Variants in FSIP2 observed in about 807,000 individuals in gnomAD.
FSIP2 encodes fibrous sheath-interacting protein 2.
Under a neutral mutation model 510.5 loss-of-function variants are expected in FSIP2, and 367 were observed. The observed-to-expected ratio is 0.72, with a 90% CI of 0.66 to 0.78. The LOEUF is 0.78. Ranked by LOEUF, FSIP2 falls within the 30% of genes least tolerant of loss-of-function variation. The pLI is 0.00. For missense variants in FSIP2, 7,594 were observed against 7,901.7 expected (o/e 0.96, Z 1.48); for synonymous variants, 2,601 against 2,732.2 (o/e 0.95, Z 1.50).
At chr2:185,742,134 TAA>T (rs1691936371) in intron 2 of FSIP2, among the ~76,000 whole-genome samples, 3 of 152,216 alleles carry the variant, frequency 2.0e-5, no homozygotes, top group Non-Finnish European at 4.4e-5. Flanking sequence ...TGAGCTATTA[TAA>T]AACTTAGTTT....
Position 185,766,930 on chromosome 2 carries a change from A to C in FSIP2, c.1411+2365A>C, listed in dbSNP as rs1268361390. 4.2e-5 allele frequency among the ~76,000 whole-genome samples: 5 copies of C among 118,972 alleles called. 1 individual carries two copies. The East Asian group carries it at 1.2e-3, about 28-fold the overall frequency. The allele number at this position is 118,972 out of a possible 152,430, so 78.1% of individuals were successfully genotyped here. A position where few individuals can be genotyped will look rare whatever the true frequency, so the allele number is the denominator to read the frequency against. On this transcript the variant is annotated intron_variant, in intron 13 of 22. Transcript: ENST00000424728. The stretch of plus-strand genomic sequence containing the variant: ...CTTGGAACCAACCCAAATGTCCAAC[A>C]ATGATAGACTGGATTAAGAAAATGT...
At chr2:185,757,254 A>T (rs1161638978) in intron 9 of FSIP2, among the ~76,000 whole-genome samples, 1 of 151,428 alleles carries the variant, frequency 6.6e-6, no homozygotes, top group Non-Finnish European at 1.5e-5. Context: ...GTTGTCAAAG[A>T]ACCTCAGTGA....
intron 11 of FSIP2, among the ~76,000 whole-genome samples, chr2:185,762,778 C>A (rs967890794): frequency 2.6e-5 from 4 of 151,350 alleles, no homozygotes; most frequent in Non-Finnish European, 4.4e-5. Flanking sequence ...TCTTTTTAAC[C>A]CACTATACAT....
intron 17 of FSIP2, among the ~76,000 whole-genome samples, chr2:185,812,794 A>G (rs1559037953): frequency 2.6e-5 from 4 of 152,116 alleles, no homozygotes; most frequent in African/African-American, 9.7e-5. Flanking sequence ...TATTGCAGAT[A>G]TTCCTTTGAG....
intron 11 of FSIP2, 78 bp downstream of exon 11, chr2:185,762,095 TTTATC>T (rs1404215259): frequency 7.4e-6 from 5 of 679,090 alleles, no homozygotes; most frequent in Admixed American, 5.7e-5. Flanking sequence ...TTTAAGTTGT[TTTATC>T]TGATTATAAA....
In FSIP2 at chr2:185,804,893, A is replaced by G. The variant is rs1559034266; in HGVS notation, c.15587A>G (p.Asn5196Ser). 1 of 1,524,514 alleles carries G rather than the reference A, an allele frequency of 6.6e-7. No individual in the cohort carries two copies. The highest frequency in any genetic ancestry group is 8.8e-7 in the Non-Finnish European group (1 of 1,142,380). The allele number at this position is 1,524,514 out of a possible 1,614,324, so 94.4% of individuals were successfully genotyped here. Residue 5196 changes from asparagine to serine, a missense_variant, in exon 17 of 23, where the codon AAT (asparagine) becomes AGT (serine). By Grantham distance (46) the Asn-to-Ser change is conservative (BLOSUM62 1). Transcript: ENST00000424728. ...GAAAATTTGGTCGACTCCATATGTA[A>G]TAATATTTTGAAAACATCTGAATTC... ...PIENLVDSIC[N>S]NILKTSEFQA...
At chr2:185,776,535 TATTGAC>T (rs1692725465) in intron 13 of FSIP2, among the ~76,000 whole-genome samples, 1 of 152,214 alleles carries the variant, frequency 6.6e-6, no homozygotes, top group South Asian at 2.1e-4. Context: ...ATTAAATCTC[TATTGAC>T]ATTAATTTTG....
Position 185,830,107 on chromosome 2 carries a change from T to C in FSIP2, c.20518-1706T>C, listed in dbSNP as rs184303764. 2.3e-3 allele frequency among the ~76,000 whole-genome samples: 345 copies of C among 151,888 alleles called. 1 individual carries two copies. The highest frequency in any genetic ancestry group is 1.7e-3 in the Non-Finnish European group (115 of 67,876). ...CAGGGTAGGATGTATGATTTGAACA[T>C]AATGAGTCAATTACCTACCAAAAAC... On this transcript the variant is annotated intron_variant, in intron 21 of 22. Coordinates refer to ENST00000424728, the MANE Select transcript of FSIP2 (RefSeq NM_173651.4).
At chr2:185,788,433 AC>A (rs1315810536) in intron 15 of FSIP2, among the ~76,000 whole-genome samples, 7 of 151,724 alleles carry the variant, frequency 4.6e-5, no homozygotes, top group African/African-American at 1.7e-4. Flanking sequence ...ACACAAAAAA[AC>A]ACTTCACTGT....
Position 185,795,836 on chromosome 2 carries a change from AG to A in FSIP2, c.8702del (p.Gly2901GlufsTer93). ...CESRFYNHFKGASTRAEDTKA... is the reference protein window; with the variant it reads ...CESRFYNHFKXASTRAEDTKA... ...AAAGCAGGTTTTATAATCATTTTAA[AG>A]GAGCTTCTACTAGAGCCGAGGATAC... On this transcript the variant is annotated frameshift_variant, in exon 16 of 23. Coordinates refer to ENST00000424728, the MANE Select transcript of FSIP2 (RefSeq NM_173651.4). LOFTEE classifies it high-confidence loss of function. The A allele has an allele frequency of 6.5e-7, 1 of 1,533,422 alleles. No individual in the cohort carries two copies. The highest frequency in any genetic ancestry group is 8.7e-7 in the Non-Finnish European group (1 of 1,145,576). 95.0% of individuals were successfully genotyped at this position (1,533,422 alleles called of 1,614,324 possible).
chr2:185,763,363 A>C, intron 12 of FSIP2, 74 bp downstream of exon 12: 1 of 713,780 alleles, frequency 1.4e-6, no homozygotes, highest in South Asian at 1.5e-5. Context: ...AATTGGTATA[A>C]AATGTCATGA....
At chr2:185,820,727 T>C (rs568448774) in intron 19 of FSIP2, among the ~76,000 whole-genome samples, 6 of 151,464 alleles carry the variant, frequency 4.0e-5, no homozygotes, top group Non-Finnish European at 8.9e-5. Context: ...CAATATACTA[T>C]CAACTTATGG....
intron 4 of FSIP2, 55 bp downstream of exon 4, chr2:185,744,466 G>T: frequency 2.6e-6 from 1 of 381,304 alleles, no homozygotes; most frequent in South Asian, 5.6e-5. Context: ...AGAAATGCTT[G>T]ATTATATGTA....
chr2:185,780,043 A>C (rs886602166), intron 13 of FSIP2, among the ~76,000 whole-genome samples: 1 of 151,190 alleles, frequency 6.6e-6, no homozygotes, highest in Non-Finnish European at 1.5e-5. Context: ...ACTGCACTCC[A>C]GCCTGGGTGA....
intron 12 of FSIP2, among the ~76,000 whole-genome samples, chr2:185,763,576 A>G (rs932754261): frequency 1.3e-5 from 2 of 151,552 alleles, no homozygotes; most frequent in African/African-American, 4.8e-5. Flanking sequence ...TTGACCAGTG[A>G]TCAGTTACCT....
In FSIP2 at chr2:185,805,827, A is replaced by T. The variant is rs922718388; in HGVS notation, c.16521A>T (p.Thr5507=). 2 of 1,606,510 alleles carry T rather than the reference A, an allele frequency of 1.2e-6. No individual in the cohort carries two copies. Among genetic ancestry groups the T allele is most frequent in the Non-Finnish European group, 1.7e-6 (2 of 1,177,280 alleles). Residue 5507 remains threonine, a synonymous_variant, in exon 17 of 23, where the codon ACA becomes ACT. Coordinates refer to ENST00000424728, the MANE Select transcript of FSIP2 (RefSeq NM_173651.4). ...AIMKSGMINL[T]SGLATGVTNK... ...TGAAAAGCGGCATGATTAACCTAAC[A>T]TCAGGGTTGGCTACAGGTGTGACAA...
rs201007079 is a variant in FSIP2, at chr2:185,806,421, T to C, written c.17115T>C (p.Tyr5705=). The stretch of plus-strand genomic sequence containing the variant: ...CAGCATATTATTCGAAACTCAGTTA[T>C]GACCAAAGCCCCCCAGGTGATAATG... ...PEPAYYSKLS[Y]DQSPPGDNVL... is the part of the protein sequence containing the mutation. The change falls in exon 17 of 23, where the codon TAT becomes TAC. Residue 5705 remains tyrosine, a synonymous_variant. Coordinates refer to ENST00000424728, the MANE Select transcript of FSIP2 (RefSeq NM_173651.4). 20 of 1,612,046 alleles carry C rather than the reference T, an allele frequency of 1.2e-5. No homozygotes were observed. The highest frequency in any genetic ancestry group is 1.6e-5 in the Non-Finnish European group (19 of 1,178,752).
chr2:185,814,118 A>G, intron 18 of FSIP2, 76 bp downstream of exon 18: 1 of 1,383,022 alleles, frequency 7.2e-7, no homozygotes, highest in South Asian at 1.4e-5. Context: ...ATGTACCTTG[A>G]TTAGTCAGAA....
At chr2:185,745,718 G>A (rs1692015950) in intron 5 of FSIP2, 150 bp downstream of exon 5, 2 of 710,998 alleles carry the variant, frequency 2.8e-6, no homozygotes, top group Admixed American at 3.8e-5. Flanking sequence ...ACCAAGAGGT[G>A]GAAGAATTTT....
Sources: allele counts gnomAD v4.1 joint callset (sites outside exome capture counted in the v4.1 genomes callset), GRCh38; gene constraint gnomAD v4.1.1; transcripts MANE v1.5; gene names NCBI Gene and HGNC (gene_info 2026-07-23, HGNC 2026-07-21).